The following DLGAP2 variants were observed in gnomAD, a reference collection of about 807,000 sequenced individuals.
DLGAP2 encodes the protein DLG associated protein 2, also known as disks large-associated protein 2.
DLGAP2 carries 26 observed loss-of-function variants against 100.3 expected under a neutral mutation model. The observed-to-expected ratio is 0.26, with a 90% CI of 0.19 to 0.36. DLGAP2 has a LOEUF of 0.36. Ranked by LOEUF, DLGAP2 falls within the 10% of genes least tolerant of loss-of-function variation. DLGAP2 has a pLI of 1.00. For synonymous variants in DLGAP2, 886 were observed against 630.1 expected (o/e 1.41, Z -6.08); for missense variants, 1,858 against 1,453.2 (o/e 1.28, Z -4.53).
intron 6 of DLGAP2, among the ~76,000 whole-genome samples, chr8:1,601,672 G>A (rs1023636178): frequency 6.6e-5 from 10 of 152,170 alleles, no homozygotes; most frequent in South Asian, 4.1e-4. Flanking sequence ...GAGCCTCTCC[G>A]CCTCGGCCCA....
At chr8:1,403,629 CT>C (rs1462136718) in intron 3 of DLGAP2, among the ~76,000 whole-genome samples, 2 of 13,044 alleles carry the variant, frequency 1.5e-4, no homozygotes, top group African/African-American at 6.4e-4. Context: ...TTACTGAGCG[CT>C]CCCTCCTTGT....
chr8:786,305 G>A (rs949875546), intron 1 of DLGAP2, among the ~76,000 whole-genome samples: 3 of 152,150 alleles, frequency 2.0e-5, no homozygotes, highest in African/African-American at 7.2e-5. Flanking sequence ...GGTCCCGGAG[G>A]TCACCAGGAG....
intron 4 of DLGAP2, among the ~76,000 whole-genome samples, chr8:1,542,992 T>C (rs1170576401): frequency 6.6e-6 from 1 of 152,216 alleles, no homozygotes; most frequent in African/African-American, 2.4e-5. Flanking sequence ...GTGTGCTCTT[T>C]CGCCGTTAGG....
chr8:1,113,909 G>C (rs1289865340), intron 2 of DLGAP2, among the ~76,000 whole-genome samples: 1 of 152,044 alleles, frequency 6.6e-6, no homozygotes, highest in Non-Finnish European at 1.5e-5. Flanking sequence ...AACATGAAGA[G>C]GTATTGGATT....
intron 2 of DLGAP2, among the ~76,000 whole-genome samples, chr8:1,177,463 C>T (rs1031608336): frequency 7.9e-5 from 12 of 152,074 alleles, no homozygotes; most frequent in Admixed American, 7.2e-4. Flanking sequence ...GGAGCAGATG[C>T]ACGAGACCCG....
At chr8:811,768 G>T (rs113541261) in intron 1 of DLGAP2, among the ~76,000 whole-genome samples, 1 of 150,924 alleles carries the variant, frequency 6.6e-6, no homozygotes, top group Non-Finnish European at 1.5e-5. Flanking sequence ...GGCTCCTGCC[G>T]TGGTGAGAGG....
At chr8:1,379,188 G>A (rs572213630) in intron 3 of DLGAP2, among the ~76,000 whole-genome samples, 43 of 152,380 alleles carry the variant, frequency 2.8e-4, no homozygotes, top group Non-Finnish European at 5.1e-4. Context: ...GGGGCCACCC[G>A]CTGCCATCAG....
chr8:1,537,065 TATGTGG>T lies in DLGAP2; in HGVS notation c.173-11560_173-11555del, dbSNP rs1801177089. 1.2e-4 allele frequency among the ~76,000 whole-genome samples: 4 copies of T among 32,446 alleles called. No individual in the cohort carries two copies. In the Admixed American group the frequency reaches 1.5e-3, roughly 12 times the overall value. The allele number at this position is 32,446 out of a possible 152,430, so 21.3% of individuals were successfully genotyped here. ...AAGTCTCCCAAGGCAGCACCACTGGTATGTGGTATGTGGTATGTGGTATGTGGTGTG... is the reference window on the plus strand; with the variant it reads ...AAGTCTCCCAAGGCAGCACCACTGGTTATGTGGTATGTGGTATGTGGTGTG... On this transcript the variant is annotated intron_variant, in intron 4 of 14. Transcript: ENST00000637795.
intron 2 of DLGAP2, among the ~76,000 whole-genome samples, chr8:911,705 T>C (rs1798488832): frequency 6.6e-6 from 1 of 151,648 alleles, no homozygotes; most frequent in Non-Finnish European, 1.5e-5. Context: ...TGTTGGAGAA[T>C]GTTGGAAGGA....
Position 1,522,722 on chromosome 8 carries a change from C to T in DLGAP2, c.172+21291C>T, listed in dbSNP as rs143620069. On this transcript the variant is annotated intron_variant, in intron 4 of 14. Coordinates refer to ENST00000637795, the MANE Select transcript of DLGAP2 (RefSeq NM_001346810.2). ...AGAATGAGTTTTCAGGATCAGGAGACGGCAGTGACCTGCTGTGTAAACTTT... is the reference window on the plus strand; with the variant it reads ...AGAATGAGTTTTCAGGATCAGGAGATGGCAGTGACCTGCTGTGTAAACTTT... Among the ~76,000 whole-genome samples the T allele has an allele frequency of 3.9e-3, 590 of 152,252 alleles. 2 individuals carry two copies. Among genetic ancestry groups the T allele is most frequent in the African/African-American group, 0.013 (537 of 41,538 alleles).
At chr8:1,267,092 C>A (rs895336914) in intron 3 of DLGAP2, among the ~76,000 whole-genome samples, 16 of 151,446 alleles carry the variant, frequency 1.1e-4, no homozygotes, top group African/African-American at 3.6e-4. Context: ...ATTAGCCAGG[C>A]GTGGGGGTGG....
chr8:1,120,793 C>A (rs1458465357), intron 2 of DLGAP2, among the ~76,000 whole-genome samples: 8 of 151,946 alleles, frequency 5.3e-5, no homozygotes, highest in Admixed American at 5.2e-4. Flanking sequence ...CATCCTAGTC[C>A]CTTCAGAACC....
chr8:918,788 A>C (rs1216250820), intron 2 of DLGAP2, among the ~76,000 whole-genome samples: 1 of 152,254 alleles, frequency 6.6e-6, no homozygotes, highest in African/African-American at 2.4e-5. Flanking sequence ...GGGTAAGACA[A>C]ACTAGCTTGA....
intron 5 of DLGAP2, among the ~76,000 whole-genome samples, chr8:1,560,635 A>G (rs1802126071): frequency 6.6e-6 from 1 of 152,206 alleles, no homozygotes; most frequent in African/African-American, 2.4e-5. Context: ...CGGGCGCTCC[A>G]CTGCCCGCCA....
chr8:899,508 G>C (rs759838592), intron 1 of DLGAP2, among the ~76,000 whole-genome samples: 3 of 152,200 alleles, frequency 2.0e-5, no homozygotes, highest in Non-Finnish European at 4.4e-5. Context: ...GGGGAGTTCT[G>C]GTCCTGGCCT....
intron 2 of DLGAP2, among the ~76,000 whole-genome samples, chr8:1,158,957 C>G (rs1007845624): frequency 6.6e-6 from 1 of 152,214 alleles, no homozygotes; most frequent in Admixed American, 6.5e-5. Flanking sequence ...ACTGACCCCT[C>G]TTAAAGGTAC....
intron 3 of DLGAP2, among the ~76,000 whole-genome samples, chr8:1,453,413 A>C (rs577690081): frequency 1.3e-5 from 2 of 152,202 alleles, no homozygotes; most frequent in East Asian, 1.9e-4. Context: ...TTACCTTCTT[A>C]AGTAGGTTAT....
intron 2 of DLGAP2, among the ~76,000 whole-genome samples, chr8:1,147,846 C>A (rs1180328418): frequency 2.0e-5 from 3 of 152,152 alleles, no homozygotes; most frequent in African/African-American, 7.2e-5. Context: ...GAAATAAATA[C>A]AATAATTTTA....
chr8:997,024 T>A (rs995707896), intron 2 of DLGAP2, among the ~76,000 whole-genome samples: 8 of 152,196 alleles, frequency 5.3e-5, no homozygotes, highest in African/African-American at 1.9e-4. Context: ...AGGCATTGAT[T>A]GCTGTGTTTT....
Sources: allele counts gnomAD v4.1 joint callset (sites outside exome capture counted in the v4.1 genomes callset), GRCh38; gene constraint gnomAD v4.1.1; transcripts MANE v1.5; gene names NCBI Gene and HGNC (gene_info 2026-07-23, HGNC 2026-07-21).